Variants in POM121L12 observed in about 807,000 individuals in gnomAD.
The protein encoded by POM121L12 is POM121-like protein 12.
For missense variants in POM121L12, 553 were observed against 409.2 expected (o/e 1.35, Z -3.03); for synonymous variants, 251 against 179.2 (o/e 1.40, Z -3.20).
At position 53,036,569 on chromosome 7, in the gene POM121L12, G is replaced by C. The variant is rs1362221179; in HGVS notation, c.*7G>C. 4 of 1,596,314 alleles carry C rather than the reference G, an allele frequency of 2.5e-6. No homozygotes were observed. The highest frequency in any genetic ancestry group is 3.4e-6 in the Non-Finnish European group (4 of 1,171,528). On this transcript the variant is annotated 3_prime_UTR_variant, in exon 1 of 1. Transcript: ENST00000408890. ...TGGCCCCTTTGGCTCCTAAGAATCT[G>C]GGCTCTGCTACCCACCTCCGGAGAC...
Position 53,035,822 on chromosome 7 carries a change from A to C in POM121L12, c.151A>C (p.Ser51Arg), listed in dbSNP as rs776444941. 1 of 1,613,726 alleles carries C rather than the reference A, an allele frequency of 6.2e-7. No individual in the cohort carries two copies. Among genetic ancestry groups the C allele is most frequent in the East Asian group, 2.2e-5 (1 of 44,796 alleles). The change falls in exon 1 of 1, where the codon AGT becomes CGT. Residue 51 changes from serine (S) to arginine (R), a missense_variant. Ser to Arg is a moderately radical substitution (Grantham distance 110). Coordinates refer to ENST00000408890, the MANE Select transcript of POM121L12 (RefSeq NM_182595.4). ...CACGCCATCTCCCCAGGGTCGCCAG[A>C]GTCCCTGGCCCCTGAGGTCCCTGAC... ...QTTPSPQGRQSPWPLRSLTQS... is the reference protein window; with the variant it reads ...QTTPSPQGRQRPWPLRSLTQS...
At position 53,036,068 on chromosome 7, in the gene POM121L12, A is replaced by C. The variant is rs763842839; in HGVS notation, c.397A>C (p.Thr133Pro). 39 of 1,612,698 alleles carry C rather than the reference A, an allele frequency of 2.4e-5. No homozygotes were observed. Among genetic ancestry groups the C allele is most frequent in the Middle Eastern group, 3.3e-4 (2 of 6,058 alleles). Residue 133 changes from threonine (T) to proline (P), a missense_variant, in exon 1 of 1, where the codon ACC (threonine) becomes CCC (proline). Physicochemically the swap from Thr to Pro is conservative, Grantham distance 38 (BLOSUM62 -1). Transcript: ENST00000408890. ...GTGTCGTGCCTGGAACCCAGGACGG[A>C]CCTGGAGCCCGGTGACCATCGGGAT... is the stretch of plus-strand genomic sequence containing the variant. Reference protein sequence around the residue: ...GLCRAWNPGRTWSPVTIGIAP... With the variant: ...GLCRAWNPGRPWSPVTIGIAP...
At position 53,035,840 on chromosome 7, in the gene POM121L12, T is replaced by A; in HGVS notation, c.169T>A (p.Ser57Thr). The part of the protein sequence containing the change: ...QGRQSPWPLR[S>T]LTQSHIQYFQ... Reference sequence around the variant, plus strand: ...TCGCCAGAGTCCCTGGCCCCTGAGGTCCCTGACTCAGAGCCATATTCAGTA... The same window carrying A: ...TCGCCAGAGTCCCTGGCCCCTGAGGACCCTGACTCAGAGCCATATTCAGTA... The change falls in exon 1 of 1, where the codon TCC (serine) becomes ACC (threonine). Residue 57 changes from serine to threonine, a missense_variant. Transcript: ENST00000408890. 2 of 1,613,230 alleles carry A rather than the reference T, an allele frequency of 1.2e-6. No individual in the cohort carries two copies. Among genetic ancestry groups the A allele is most frequent in the Non-Finnish European group, 1.7e-6 (2 of 1,179,742 alleles).
Position 53,036,004 on chromosome 7 carries a change from C to T in POM121L12, c.333C>T (p.Asp111=). 1 of 1,613,142 alleles carries T rather than the reference C, an allele frequency of 6.2e-7. No individual in the cohort carries two copies. Residue 111 remains aspartate (D), a synonymous_variant, in exon 1 of 1, where the codon GAC becomes GAT. Transcript: ENST00000408890. ...ALPGETALGR[D]LSCAWEGCMK... ...CCGGGGAGACCGCTCTGGGGCGAGA[C>T]CTCTCCTGTGCCTGGGAGGGTTGCA... is the stretch of plus-strand genomic sequence containing the variant.
Position 53,035,908 on chromosome 7 carries a change from G to T in POM121L12, c.237G>T (p.Glu79Asp). 1.9e-6 allele frequency: 3 copies of T among 1,613,014 alleles called. No individual in the cohort carries two copies. The highest frequency in any genetic ancestry group is 2.5e-6 in the Non-Finnish European group (3 of 1,179,742). ...CGGTGCCCAGCACCCACCTCATCGA[G>T]GTGCGGCCCACCCAGGACCCCGCCA... ...GRPVPSTHLI[E>D]VRPTQDPAKP... The change falls in exon 1 of 1, where the codon GAG (glutamate) becomes GAT (aspartate). Residue 79 changes from glutamate (E) to aspartate (D), a missense_variant. Transcript: ENST00000408890.
Position 53,036,243 on chromosome 7 carries a change from G to A in POM121L12, c.572G>A (p.Arg191Lys), listed in dbSNP as rs1465666060. 7 of 1,613,872 alleles carry A rather than the reference G, an allele frequency of 4.3e-6. No individual in the cohort carries two copies. The highest frequency in any genetic ancestry group is 1.1e-5 in the South Asian group (1 of 91,090). The change falls in exon 1 of 1, where the codon AGG becomes AAG. Residue 191 changes from arginine to lysine, a missense_variant. Transcript: ENST00000408890. ...ALSQCPKGSA[R>K]FDGPLWFEVS... ...AGCCAGTGCCCCAAGGGAAGCGCTA[G>A]GTTCGACGGGCCGTTGTGGTTCGAG...
Position 53,036,510 on chromosome 7 carries a change from G to C in POM121L12, c.839G>C (p.Arg280Thr). 6.2e-7 allele frequency: 1 copy of C among 1,613,882 alleles called. No individual in the cohort carries two copies. Among genetic ancestry groups the C allele is most frequent in the Non-Finnish European group, 8.5e-7 (1 of 1,179,972 alleles). ...ACGCCTTCCTGCGGCAGCTGCAGTA[G>C]GGTCTCCTTCGCCCTCGAGGTCACC... Reference protein sequence around the residue: ...ATTPSCGSCSRVSFALEVTQS... With the variant: ...ATTPSCGSCSTVSFALEVTQS... Residue 280 changes from arginine (R) to threonine (T), a missense_variant, in exon 1 of 1, where the codon AGG becomes ACG. Physicochemically the swap from Arg to Thr is moderately conservative, Grantham distance 71. Coordinates refer to ENST00000408890, the MANE Select transcript of POM121L12 (RefSeq NM_182595.4).
Position 53,035,956 on chromosome 7 carries a change from G to C in POM121L12, c.285G>C (p.Glu95Asp). ...CCAAGCCGCAGCGGGTGGTCTCCGAGGGCTGGAGGCGCCCTGCCCTTCCCG... is the reference window on the plus strand; with the variant it reads ...CCAAGCCGCAGCGGGTGGTCTCCGACGGCTGGAGGCGCCCTGCCCTTCCCG... ...DPAKPQRVVS[E>D]GWRRPALPGE... Residue 95 changes from glutamate to aspartate, a missense_variant, in exon 1 of 1, where the codon GAG (glutamate) becomes GAC (aspartate). Coordinates refer to ENST00000408890, the MANE Select transcript of POM121L12 (RefSeq NM_182595.4). 6.2e-7 allele frequency: 1 copy of C among 1,612,648 alleles called. No homozygotes were observed. The highest frequency in any genetic ancestry group is 8.5e-7 in the Non-Finnish European group (1 of 1,179,512).
At chr7:53,036,256 G>GT in the POM121L12 span, 1 of 1,614,042 alleles carries the variant, frequency 6.2e-7, no homozygotes, top group Admixed American at 1.7e-5. Flanking sequence ...TCGACGGGCC[G>GT]TTGTGGTTCG....
chr7:53,036,392 G>C lies in POM121L12; in HGVS notation c.721G>C (p.Gly241Arg), dbSNP rs374755593. Residue 241 changes from glycine to arginine, a missense_variant, in exon 1 of 1, where the codon GGC becomes CGC. Physicochemically the swap from Gly to Arg is moderately radical, Grantham distance 125. Coordinates refer to ENST00000408890, the MANE Select transcript of POM121L12 (RefSeq NM_182595.4). ...PRPGPLKPSLGPWSLSFCDDA... is the reference protein window; with the variant it reads ...PRPGPLKPSLRPWSLSFCDDA... ...GCCAGGGCCTCTGAAGCCGAGCCTC[G>C]GCCCCTGGAGCCTCAGTTTTTGTGA... The C allele has an allele frequency of 6.2e-6, 10 of 1,613,590 alleles. No individual in the cohort carries two copies. Among genetic ancestry groups the C allele is most frequent in the South Asian group, 5.5e-5 (5 of 91,080 alleles).
rs1295681186 is a variant in POM121L12, at chr7:53,036,194, C to T, written c.523C>T (p.Arg175Trp). The change falls in exon 1 of 1, where the codon CGG (arginine) becomes TGG (tryptophan). Residue 175 changes from arginine to tryptophan, a missense_variant. By Grantham distance (101) the Arg-to-Trp change is moderately radical. Coordinates refer to ENST00000408890, the MANE Select transcript of POM121L12 (RefSeq NM_182595.4). ...CCAGGAGCTCCTGGACCCCTGCACC[C>T]GGGAGACTCTGCTGGGGGCGCTCAG... Reference protein sequence around the residue: ...AAQELLDPCTRETLLGALSQC... With the variant: ...AAQELLDPCTWETLLGALSQC... The T allele has an allele frequency of 2.5e-6, 4 of 1,612,210 alleles. No homozygotes were observed. Among genetic ancestry groups the T allele is most frequent in the South Asian group, 1.1e-5 (1 of 91,062 alleles).
At position 53,036,468 on chromosome 7, in the gene POM121L12, A is replaced by G. The variant is rs1024530893; in HGVS notation, c.797A>G (p.Asp266Gly). 18 of 1,613,648 alleles carry G rather than the reference A, an allele frequency of 1.1e-5. No homozygotes were observed. The Admixed American group carries it at 1.8e-4, about 16-fold the overall frequency. The change falls in exon 1 of 1, where the codon GAC (aspartate) becomes GGC (glycine). Residue 266 changes from aspartate to glycine, a missense_variant. Physicochemically the swap from Asp to Gly is moderately conservative, Grantham distance 94. Coordinates refer to ENST00000408890, the MANE Select transcript of POM121L12 (RefSeq NM_182595.4). ...CAGCCCGCCCCATCCGCCATCTGGG[A>G]CTTCTGGGAGGCGACAACGCCTTCC... ...LVQPAPSAIW[D>G]FWEATTPSCG... is the part of the protein sequence containing the mutation.
rs774048065 is a variant in POM121L12, at chr7:53,036,510, G to T, written c.839G>T (p.Arg280Met). The T allele has an allele frequency of 3.1e-6, 5 of 1,613,882 alleles. No homozygotes were observed. The East Asian group carries it at 1.1e-4, about 36-fold the overall frequency. ...ATTPSCGSCS[R>M]VSFALEVTQS... ...ACGCCTTCCTGCGGCAGCTGCAGTAGGGTCTCCTTCGCCCTCGAGGTCACC... is the reference window on the plus strand; with the variant it reads ...ACGCCTTCCTGCGGCAGCTGCAGTATGGTCTCCTTCGCCCTCGAGGTCACC... The change falls in exon 1 of 1, where the codon AGG becomes ATG. Residue 280 changes from arginine (R) to methionine (M), a missense_variant. By Grantham distance (91) the Arg-to-Met change is moderately conservative. Transcript: ENST00000408890.
chr7:53,036,305 C>T lies in POM121L12; in HGVS notation c.634C>T (p.Pro212Ser), dbSNP rs756931097. ...CAAGGGTGGCAGGCGGAACCTGCAG[C>T]CCCGGCCCTCTGCCTTCAAGCCCCT... ...DSKGGRRNLQ[P>S]RPSAFKPLSK... The change falls in exon 1 of 1, where the codon CCC becomes TCC. Residue 212 changes from proline (P) to serine (S), a missense_variant. By Grantham distance (74) the Pro-to-Ser change is moderately conservative. Transcript: ENST00000408890. 6.2e-6 allele frequency: 10 copies of T among 1,614,086 alleles called. No homozygotes were observed. The highest frequency in any genetic ancestry group is 7.6e-6 in the Non-Finnish European group (9 of 1,180,018).
chr7:53,035,915 C>T lies in POM121L12; in HGVS notation c.244C>T (p.Pro82Ser). Residue 82 changes from proline to serine, a missense_variant, in exon 1 of 1, where the codon CCC (proline) becomes TCC (serine). Coordinates refer to ENST00000408890, the MANE Select transcript of POM121L12 (RefSeq NM_182595.4). ...CAGCACCCACCTCATCGAGGTGCGG[C>T]CCACCCAGGACCCCGCCAAGCCGCA... ...VPSTHLIEVR[P>S]TQDPAKPQRV... The T allele has an allele frequency of 1.2e-6, 2 of 1,612,708 alleles. No individual in the cohort carries two copies. Among genetic ancestry groups the T allele is most frequent in the Middle Eastern group, 3.3e-4 (2 of 6,058 alleles).
In POM121L12 at chr7:53,035,839, G is replaced by A. The variant is rs1787537623; in HGVS notation, c.168G>A (p.Arg56=). Residue 56 remains arginine, a synonymous_variant, in exon 1 of 1, where the codon AGG becomes AGA. Coordinates refer to ENST00000408890, the MANE Select transcript of POM121L12 (RefSeq NM_182595.4). ...PQGRQSPWPL[R]SLTQSHIQYF... is the part of the protein sequence containing the mutation. Reference sequence around the variant, plus strand: ...GTCGCCAGAGTCCCTGGCCCCTGAGGTCCCTGACTCAGAGCCATATTCAGT... The same window carrying A: ...GTCGCCAGAGTCCCTGGCCCCTGAGATCCCTGACTCAGAGCCATATTCAGT... 1 of 1,613,618 alleles carries A rather than the reference G, an allele frequency of 6.2e-7. No homozygotes were observed. Among genetic ancestry groups the A allele is most frequent in the Non-Finnish European group, 8.5e-7 (1 of 1,179,824 alleles).
chr7:53,036,247 C>A lies in POM121L12; in HGVS notation c.576C>A (p.Phe192Leu), dbSNP rs762091356. 1.2e-6 allele frequency: 2 copies of A among 1,613,832 alleles called. No individual in the cohort carries two copies. The highest frequency in any genetic ancestry group is 1.3e-5 in the African/African-American group (1 of 74,912). Residue 192 changes from phenylalanine (F) to leucine (L), a missense_variant, in exon 1 of 1, where the codon TTC (phenylalanine) becomes TTA (leucine). Phe to Leu is a conservative substitution (Grantham distance 22). Coordinates refer to ENST00000408890, the MANE Select transcript of POM121L12 (RefSeq NM_182595.4). ...LSQCPKGSAR[F>L]DGPLWFEVSD... ...AGTGCCCCAAGGGAAGCGCTAGGTTCGACGGGCCGTTGTGGTTCGAGGTCT... is the reference window on the plus strand; with the variant it reads ...AGTGCCCCAAGGGAAGCGCTAGGTTAGACGGGCCGTTGTGGTTCGAGGTCT...
At chr7:53,035,827 CTG>C in the POM121L12 span, 1 of 1,613,576 alleles carries the variant, frequency 6.2e-7, no homozygotes, top group African/African-American at 1.3e-5. Context: ...GCCAGAGTCC[CTG>C]GCCCCTGAGG....
rs534712268 is a variant in POM121L12, at chr7:53,036,088, C to T, written c.417C>T (p.Ile139=). ...NPGRTWSPVT[I]GIAPPERQES... ...GACGGACCTGGAGCCCGGTGACCAT[C>T]GGGATCGCGCCCCCTGAGCGTCAGG... Residue 139 remains isoleucine (I), a synonymous_variant, in exon 1 of 1, where the codon ATC becomes ATT. Transcript: ENST00000408890. The T allele has an allele frequency of 6.4e-5, 104 of 1,612,588 alleles. 1 individual carries two copies. The South Asian group carries it at 1.0e-3, about 15-fold the overall frequency.
Sources: gnomAD v4.1 joint callset for allele counts on GRCh38, gnomAD v4.1.1 for gene constraint, MANE v1.5 for transcripts, NCBI Gene and HGNC (gene_info 2026-07-23, HGNC 2026-07-21) for gene names.